Variants in CFAP70 observed in about 807,000 individuals in gnomAD.
The protein encoded by CFAP70 is cilia- and flagella-associated protein 70.
A neutral mutation model predicts 137.6 loss-of-function variants in CFAP70; 81 were observed. The observed-to-expected ratio is 0.59, with a 90% CI of 0.49 to 0.71. The LOEUF (loss-of-function observed/expected upper bound fraction) is 0.71. Among genes scored for constraint, CFAP70 ranks in the 30% least tolerant of loss-of-function variants. CFAP70 has a pLI of 0.00. For synonymous variants in CFAP70, 382 were observed against 423.6 expected, an observed-to-expected ratio of 0.90 and a Z score of 1.20; for missense variants, 976 against 1,226.7, an observed-to-expected ratio of 0.80 and a Z score of 3.05.
chr10:73,311,773 C>T, intron 11 of CFAP70, 61 bp downstream of exon 12: 2 of 1,259,686 alleles, frequency 1.6e-6, no homozygotes, highest in Non-Finnish European at 2.3e-6. Flanking sequence ...ATTGAAAATG[C>T]CTTGCTTAAT....
intron 21 of CFAP70, 43 bp downstream of exon 22, chr10:73,277,197 C>T (rs1488159500): frequency 1.3e-6 from 2 of 1,581,960 alleles, no homozygotes; most frequent in Non-Finnish European, 1.7e-6. Flanking sequence ...AAAGAGTTTG[C>T]TAAAATCTTT....
intron 1 of CFAP70, among the ~76,000 whole-genome samples, chr10:73,356,147 AT>A (rs918637058): frequency 6.6e-6 from 1 of 152,052 alleles, no homozygotes; most frequent in African/African-American, 2.4e-5. Context: ...GGCACAAACA[AT>A]TTCGATAATA....
intron 8 of CFAP70, among the ~76,000 whole-genome samples, chr10:73,327,608 T>G (rs2051600563): frequency 6.6e-6 from 1 of 151,898 alleles, no homozygotes; most frequent in East Asian, 1.9e-4. Context: ...CAGCCCAAAA[T>G]CTCCTTAAGC....
chr10:73,274,908 G>A, intron 22 of CFAP70: 1 of 241,370 alleles, frequency 4.1e-6, no homozygotes, highest in Non-Finnish European at 7.8e-6. Flanking sequence ...AAGAAATCTA[G>A]AAAAATTGAA....
intron 19 of CFAP70, 151 bp downstream of exon 20, chr10:73,291,075 C>G: frequency 3.1e-6 from 2 of 649,982 alleles, no homozygotes; most frequent in South Asian, 3.7e-5. Context: ...AGTGCAGTGG[C>G]ATGATCACAG....
intron 24 of CFAP70, among the ~76,000 whole-genome samples, chr10:73,269,989 C>T (rs533967985): frequency 2.0e-5 from 3 of 152,292 alleles, no homozygotes; most frequent in Admixed American, 6.5e-5. Flanking sequence ...ACAGCGGTCC[C>T]ATCAGGACAT....
At chr10:73,339,471 C>T (rs997417313) in intron 6 of CFAP70, among the ~76,000 whole-genome samples, 10 of 152,328 alleles carry the variant, frequency 6.6e-5, no homozygotes, top group African/African-American at 2.2e-4. Flanking sequence ...TGTGGCTGGT[C>T]ACACCTTTGC....
At chr10:73,308,986 G>A (rs1206004093) in intron 12 of CFAP70, among the ~76,000 whole-genome samples, 3 of 151,976 alleles carry the variant, frequency 2.0e-5, no homozygotes, top group Admixed American at 2.0e-4. Flanking sequence ...CAAAAGGGGG[G>A]CACACTATGC....
chr10:73,323,132 T>G (rs1476618417), intron 8 of CFAP70, 35 bp from the exon 10 acceptor site: 5 of 1,568,478 alleles, frequency 3.2e-6, no homozygotes, highest in Non-Finnish European at 4.3e-6. Flanking sequence ...GTTAGTGCTA[T>G]AAGCAATGTA....
At chr10:73,256,960 A>G (rs1356155315) in intron 25 of CFAP70, among the ~76,000 whole-genome samples, 1 of 151,800 alleles carries the variant, frequency 6.6e-6, no homozygotes, top group East Asian at 1.9e-4. Context: ...TGAAAAGCTT[A>G]AAGATAACTT....
At chr10:73,356,496 T>C (rs531215801) in intron 1 of CFAP70, among the ~76,000 whole-genome samples, 2 of 152,306 alleles carry the variant, frequency 1.3e-5, no homozygotes, top group South Asian at 2.1e-4. Flanking sequence ...ACTGTGCCTG[T>C]TGAAAAGGCC....
chr10:73,314,341 C>T (rs2050167266), intron 9 of CFAP70, among the ~76,000 whole-genome samples: 2 of 152,100 alleles, frequency 1.3e-5, no homozygotes. Context: ...TGTTTGAAAA[C>T]AATCCAACAA....
intron 8 of CFAP70, among the ~76,000 whole-genome samples, chr10:73,323,777 G>A (rs2051112996): frequency 6.6e-6 from 1 of 152,220 alleles, no homozygotes; most frequent in African/African-American, 2.4e-5. Flanking sequence ...CTGGGGGAGG[G>A]GTGCCCCCCA....
At chr10:73,309,763 TCTC>T in intron 12 of CFAP70, among the ~76,000 whole-genome samples, 1 of 151,054 alleles carries the variant, frequency 6.6e-6, no homozygotes, top group Middle Eastern at 3.4e-3. Context: ...TTCAAGCAAT[TCTC>T]CTGCCTCAGC....
chr10:73,358,130 G>C (rs2054808970), intron 1 of CFAP70, among the ~76,000 whole-genome samples: 1 of 152,214 alleles, frequency 6.6e-6, no homozygotes, highest in African/African-American at 2.4e-5. Context: ...TGCACAAATG[G>C]TATTATTAAT....
intron 9 of CFAP70, among the ~76,000 whole-genome samples, chr10:73,313,542 CAAAAA>C (rs35177327): frequency 1.1e-5 from 1 of 90,316 alleles, no homozygotes. Flanking sequence ...GACTCTGTCT[CAAAAA>C]AAAAAAAAAA....
chr10:73,304,468 C>A (rs2049211844), intron 12 of CFAP70, among the ~76,000 whole-genome samples: 1 of 152,116 alleles, frequency 6.6e-6, no homozygotes. Flanking sequence ...GCAGGTAATT[C>A]TCAAAAGAAA....
chr10:73,360,395 G>A (rs1386496370), upstream of CFAP70, among the ~76,000 whole-genome samples: 1 of 152,042 alleles, frequency 6.6e-6, no homozygotes, highest in Admixed American at 6.5e-5. Context: ...CACACACAGT[G>A]AGCAATGGAA....
intron 8 of CFAP70, among the ~76,000 whole-genome samples, chr10:73,327,549 T>C (rs1209206076): frequency 6.6e-6 from 1 of 151,790 alleles, no homozygotes; most frequent in Non-Finnish European, 1.5e-5. Flanking sequence ...AGTCAAATTG[T>C]CCCTGTTTGC....
Sources: allele counts gnomAD v4.1 joint callset (sites outside exome capture counted in the v4.1 genomes callset), GRCh38; gene constraint gnomAD v4.1.1; transcripts MANE v1.5; gene names NCBI Gene and HGNC (gene_info 2026-07-23, HGNC 2026-07-21).